Variants in LY6L observed in about 807,000 individuals in gnomAD.
LY6L encodes the protein lymphocyte antigen 6L.
A neutral mutation model predicts 8.3 loss-of-function variants in LY6L; 8 were observed. The ratio of observed to expected loss-of-function variants is 0.97; its 90% CI spans 0.57 to 1.74. The LOEUF (loss-of-function observed/expected upper bound fraction) is 1.74, where lower values mean the gene tolerates loss of function less well. LY6L is among the 40% of genes most tolerant of loss of function. The pLI is 0.00. For synonymous variants in LY6L, 79 were observed against 77.9 expected (o/e 1.01, Z -0.07); for missense variants, 156 against 183.8 (o/e 0.85, Z 0.87).
Position 143,083,262 on chromosome 8 carries a change from C to T in LY6L, c.*611C>T, listed in dbSNP as rs971840863. ...TGGGAAAGACAGTGTCTCTGGTGGG[C>T]GATGGCCCCTTGCATGAGGCCCCTT... is the stretch of plus-strand genomic sequence containing the variant. On this transcript the variant is annotated 3_prime_UTR_variant, in exon 4 of 4. Coordinates refer to ENST00000562505, the MANE Select transcript of LY6L (RefSeq NM_001368160.2). Among the ~76,000 whole-genome samples the T allele has an allele frequency of 4.6e-5, 7 of 152,130 alleles. No homozygotes were observed. Among genetic ancestry groups the T allele is most frequent in the African/African-American group, 1.2e-4 (5 of 41,434 alleles).
chr8:143,080,859 C>A (rs1820415396), intron 1 of LY6L, among the ~76,000 whole-genome samples, 177 bp from the exon 2 acceptor site: 1 of 151,676 alleles, frequency 6.6e-6, no homozygotes, highest in African/African-American at 2.4e-5. Flanking sequence ...GAAGCCCAGT[C>A]CAGGAGCGCA....
chr8:143,082,959 TG>T lies in LY6L; in HGVS notation c.*311del, dbSNP rs535270041. The T allele has an allele frequency of 5.2e-4, 197 of 376,084 alleles. No homozygotes were observed. The highest frequency in any genetic ancestry group is 4.0e-3 in the African/African-American group (186 of 46,006). 23.3% of individuals were successfully genotyped at this position (376,084 alleles called of 1,614,324 possible). A position where few individuals can be genotyped will look rare whatever the true frequency, so the allele number is the denominator to read the frequency against. On this transcript the variant is annotated 3_prime_UTR_variant, in exon 4 of 4. Coordinates refer to ENST00000562505, the MANE Select transcript of LY6L (RefSeq NM_001368160.2). ...GATGGGAAGGACGGTGCCTCTGGTG[TG>T]GGTGATGGGAAGGACGGTGCCTCTG...
rs1166074083 is a variant in LY6L at position 143,081,237 on chromosome 8, T to C, written c.100T>C (p.Phe34Leu). The change falls in exon 3 of 4, where the codon TTC (phenylalanine) becomes CTC (leucine). Residue 34 changes from phenylalanine to leucine, a missense_variant. Physicochemically the swap from Phe to Leu is conservative, Grantham distance 22. Coordinates refer to ENST00000562505, the MANE Select transcript of LY6L (RefSeq NM_001368160.2). ...PARNLSCYQCFKVSSWTECPP... is the reference protein window; with the variant it reads ...PARNLSCYQCLKVSSWTECPP... ...TCGCAACCTGAGCTGCTACCAGTGC[T>C]TCAAGGTCAGCAGCTGGACGGAGTG... 3 of 1,533,280 alleles carry C rather than the reference T, an allele frequency of 2.0e-6. No individual in the cohort carries two copies. Among genetic ancestry groups the C allele is most frequent in the South Asian group, 2.4e-5 (2 of 83,860 alleles). The allele number at this position is 1,533,280 out of a possible 1,614,324, so 95.0% of individuals were successfully genotyped here. A position where few individuals can be genotyped will look rare whatever the true frequency, so the allele number is the denominator to read the frequency against.
chr8:143,082,438 C>A lies in LY6L; in HGVS notation c.204C>A (p.Arg68=). 3 of 1,535,186 alleles carry A rather than the reference C, an allele frequency of 2.0e-6. No individual in the cohort carries two copies. The South Asian group carries it at 3.6e-5, about 18-fold the overall frequency. ...EVVVSFKWSV[R]VLLSKRCAPR... The stretch of plus-strand genomic sequence containing the variant: ...TCTTTTCTGCAGAATGGAGTGTACG[C>A]GTCCTGCTCAGCAAACGCTGTGCTC... Residue 68 remains arginine (R), a synonymous_variant, in exon 4 of 4, where the codon CGC becomes CGA. Transcript: ENST00000562505.
intron 3 of LY6L, among the ~76,000 whole-genome samples, chr8:143,082,137 G>A (rs1303567122): frequency 6.6e-6 from 1 of 152,230 alleles, no homozygotes; most frequent in Non-Finnish European, 1.5e-5. Flanking sequence ...TCCAGGCTGT[G>A]CATGGCTTCG....
At chr8:143,080,800 G>A (rs1820413936) in intron 1 of LY6L, 141 bp downstream of exon 1, 2 of 489,816 alleles carry the variant, frequency 4.1e-6, no homozygotes, top group South Asian at 3.6e-5. Flanking sequence ...GGGAAGGGAG[G>A]AGAGCGAGCG....
chr8:143,080,752 G>A, intron 1 of LY6L, 93 bp downstream of exon 1: 2 of 405,326 alleles, frequency 4.9e-6, no homozygotes, highest in Non-Finnish European at 8.8e-6. Context: ...AGATTGGAAG[G>A]GGGACCAAAG....
intron 3 of LY6L, 43 bp downstream of exon 3, chr8:143,081,370 A>C: frequency 7.8e-7 from 1 of 1,282,240 alleles, no homozygotes; most frequent in East Asian, 2.6e-5. Flanking sequence ...GGTGCCGGGG[A>C]AGGGCCGGTG....
At chr8:143,081,621 G>A (rs979866876) in intron 3 of LY6L, among the ~76,000 whole-genome samples, 3 of 152,212 alleles carry the variant, frequency 2.0e-5, no homozygotes, top group Admixed American at 2.0e-4. Flanking sequence ...ATGGGCAGCT[G>A]TTCGAGGCGA....
chr8:143,081,813 CATAAT>C (rs770613237), intron 3 of LY6L, among the ~76,000 whole-genome samples: 1 of 152,104 alleles, frequency 6.6e-6, no homozygotes, highest in Non-Finnish European at 1.5e-5. Context: ...CATAATACAA[CATAAT>C]ATAATAAAAT....
Position 143,083,099 on chromosome 8 carries a change from A to ATGGGAAGGACGGTG in LY6L, c.*448_*449insTGGGAAGGACGGTG, listed in dbSNP as rs1820464020. Reference sequence around the variant, plus strand: ...CGGTGTGGGTGATGGGAAGGACGGTACCTCCGGTGTGGGTGACGGGAAGAA... The same window carrying ATGGGAAGGACGGTG: ...CGGTGTGGGTGATGGGAAGGACGGTATGGGAAGGACGGTGCCTCCGGTGTGGGTGACGGGAAGAA... On this transcript the variant is annotated 3_prime_UTR_variant, in exon 4 of 4. Coordinates refer to ENST00000562505, the MANE Select transcript of LY6L (RefSeq NM_001368160.2). 1.0e-5 allele frequency: 1 copy of ATGGGAAGGACGGTG among 96,846 alleles called. No individual in the cohort carries two copies. Among genetic ancestry groups the ATGGGAAGGACGGTG allele is most frequent in the Non-Finnish European group, 2.0e-5 (1 of 50,790 alleles). The allele number at this position is 96,846 out of a possible 1,614,324, so 6.0% of individuals were successfully genotyped here. A position where few individuals can be genotyped will look rare whatever the true frequency, so the allele number is the denominator to read the frequency against.
rs1820422140 is a variant in LY6L at position 143,081,138 on chromosome 8, C to T, written c.73+12C>T. On this transcript the variant is annotated intron_variant, in intron 2 of 3. Coordinates refer to ENST00000562505, the MANE Select transcript of LY6L (RefSeq NM_001368160.2). ...CGCCACGACGCCAGGTAAGGCGCGGCCCGGGCTGGGCTGGGGGCGTCGGGG... is the reference window on the plus strand; with the variant it reads ...CGCCACGACGCCAGGTAAGGCGCGGTCCGGGCTGGGCTGGGGGCGTCGGGG... 1 of 1,533,418 alleles carries T rather than the reference C, an allele frequency of 6.5e-7. No individual in the cohort carries two copies. Among genetic ancestry groups the T allele is most frequent in the Non-Finnish European group, 8.7e-7 (1 of 1,145,204 alleles). 95.0% of individuals were successfully genotyped at this position (1,533,418 alleles called of 1,614,324 possible). A position where few individuals can be genotyped will look rare whatever the true frequency, so the allele number is the denominator to read the frequency against.
chr8:143,081,267 C>T lies in LY6L; in HGVS notation c.130C>T (p.Pro44Ser), dbSNP rs1254852686. The T allele has an allele frequency of 6.5e-7, 1 of 1,533,816 alleles. No individual in the cohort carries two copies. Among genetic ancestry groups the T allele is most frequent in the Non-Finnish European group, 8.7e-7 (1 of 1,145,684 alleles). The change falls in exon 3 of 4, where the codon CCC (proline) becomes TCC (serine). Residue 44 changes from proline to serine, a missense_variant. Coordinates refer to ENST00000562505, the MANE Select transcript of LY6L (RefSeq NM_001368160.2). ...FKVSSWTECPPTWCSPLDQVC... is the reference protein window; with the variant it reads ...FKVSSWTECPSTWCSPLDQVC... ...GGTCAGCAGCTGGACGGAGTGCCCG[C>T]CCACCTGGTGCAGCCCGCTGGACCA...
chr8:143,081,523 C>T (rs577214420), intron 3 of LY6L, among the ~76,000 whole-genome samples, 196 bp downstream of exon 3: 3 of 152,194 alleles, frequency 2.0e-5, no homozygotes, highest in Non-Finnish European at 4.4e-5. Context: ...TTTTTCTCCT[C>T]CATTTGAAGT....
chr8:143,082,504 G>A lies in LY6L; in HGVS notation c.270G>A (p.Pro90=), dbSNP rs1225623976. The A allele has an allele frequency of 6.3e-5, 96 of 1,535,324 alleles. No homozygotes were observed. The highest frequency in any genetic ancestry group is 1.7e-4 in the Middle Eastern group (1 of 6,004). ...PNDNMKFEWS[P]APMVQGVITR... ...ACAACATGAAGTTCGAATGGTCGCC[G>A]GCCCCCATGGTGCAAGGCGTGATCA... Residue 90 remains proline, a synonymous_variant, in exon 4 of 4, where the codon CCG becomes CCA. Transcript: ENST00000562505.
In LY6L at chr8:143,083,157, G is replaced by T. The variant is rs1820465504; in HGVS notation, c.*506G>T. ...TCCAGTGTGGGTGATGGGAAGGATG[G>T]TGCCTCTGATGGGCAATGGGGAAGG... On this transcript the variant is annotated 3_prime_UTR_variant, in exon 4 of 4. Transcript: ENST00000562505. Among the ~76,000 whole-genome samples the T allele has an allele frequency of 6.7e-6, 1 of 149,190 alleles. No homozygotes were observed. The highest frequency in any genetic ancestry group is 1.5e-5 in the Non-Finnish European group (1 of 67,546).
rs1348759329 is a variant in LY6L at position 143,082,564 on chromosome 8, G to A, written c.330G>A (p.Arg110=). The A allele has an allele frequency of 6.5e-7, 1 of 1,534,980 alleles. No homozygotes were observed. The highest frequency in any genetic ancestry group is 1.4e-5 in the African/African-American group (1 of 73,162). Residue 110 remains arginine (R), a synonymous_variant, in exon 4 of 4, where the codon AGG becomes AGA. Transcript: ENST00000562505. The stretch of plus-strand genomic sequence containing the variant: ...GCTGTTCCTGGGCTCTCTGCAACAG[G>A]GCACTGACCCCACAGGAGGGGCGCT... ...RRCCSWALCN[R]ALTPQEGRWA...
rs1563928200 is a variant in LY6L at position 143,081,107 on chromosome 8, T to A, written c.54T>A (p.Ala18=). ...CCCTCCCGCTGGCTGTGGCGTCTGC[T>A]GGCTGCGCCACGACGCCAGGTAAGG... ...LCTLPLAVAS[A]GCATTPARNL... is the part of the protein sequence containing the mutation. The change falls in exon 2 of 4, where the codon GCT becomes GCA. Residue 18 remains alanine (A), a synonymous_variant. Transcript: ENST00000562505. 18 of 1,534,812 alleles carry A rather than the reference T, an allele frequency of 1.2e-5. No homozygotes were observed. The highest frequency in any genetic ancestry group is 1.6e-5 in the Non-Finnish European group (18 of 1,146,272).
Position 143,081,029 on chromosome 8 carries a change from C to A in LY6L, c.-18-7C>A. 4 of 1,524,386 alleles carry A rather than the reference C, an allele frequency of 2.6e-6. No individual in the cohort carries two copies. Among genetic ancestry groups the A allele is most frequent in the Non-Finnish European group, 3.5e-6 (4 of 1,137,728 alleles). 94.4% of individuals were successfully genotyped at this position (1,524,386 alleles called of 1,614,324 possible). ...GCCTCCCGCAACACCCACCTCACCC[C>A]ACTCAGGCTGAGCCTTCTGGCGTCA... is the stretch of plus-strand genomic sequence containing the variant. On this transcript the variant is annotated splice_polypyrimidine_tract_variant and splice_region_variant and intron_variant, in intron 1 of 3. Transcript: ENST00000562505.
Sources: gnomAD v4.1 joint callset for allele counts (sites outside exome capture counted in the v4.1 genomes callset) on GRCh38, gnomAD v4.1.1 for gene constraint, MANE v1.5 for transcripts, NCBI Gene and HGNC (gene_info 2026-07-23, HGNC 2026-07-21) for gene names.